The following NSD2 variants were observed in gnomAD, a reference collection of about 807,000 sequenced individuals.
NSD2 encodes the protein nuclear receptor binding SET domain protein 2.
In NSD2, 12 loss-of-function variants were observed where a neutral mutation model predicts 139.0. The observed-to-expected ratio is 0.09, with a 90% confidence interval of 0.06 to 0.14. The LOEUF is 0.14. Among genes scored for constraint, NSD2 ranks in the 10% least tolerant of loss-of-function variants. The probability of loss-of-function intolerance (pLI) is 1.00; values close to 1 mark genes in which losing one functional copy is unlikely to be tolerated. For missense variants in NSD2, 1,155 were observed against 1,745.0 expected, an observed-to-expected ratio of 0.66 and a Z score of 6.02; for synonymous variants, 669 against 648.7, an observed-to-expected ratio of 1.03 and a Z score of -0.48.
intron 9 of NSD2, chr4:1,946,241 G>A (rs1009533474): frequency 1.5e-5 from 15 of 1,004,792 alleles, no homozygotes; most frequent in Non-Finnish European, 1.8e-5. Context: ...AAAATTTGGG[G>A]GGTCTTGCAT....
rs1037212951 is a variant in NSD2 at position 1,965,296 on chromosome 4, GAAAC to G, written c.3372+4153_3372+4156del. ...TGAAGAGATAGAAAACCTATAAAGA[GAAAC>G]AAACAAAAAAAGGAATTGTTGAGCC... On this transcript the variant is annotated intron_variant, in intron 18 of 21. Coordinates refer to ENST00000508803, the MANE Select transcript of NSD2 (RefSeq NM_001042424.3). 3.3e-5 allele frequency among the ~76,000 whole-genome samples: 5 copies of G among 152,080 alleles called. No individual in the cohort carries two copies. The East Asian group carries it at 7.7e-4, about 23-fold the overall frequency.
intron 7 of NSD2, among the ~76,000 whole-genome samples, chr4:1,937,793 T>G (rs1722580199): frequency 6.6e-6 from 1 of 152,198 alleles, no homozygotes. Flanking sequence ...GCTGCTCTAG[T>G]GCTATGGGGA....
At chr4:1,893,544 T>G (rs989273333) in intron 1 of NSD2, among the ~76,000 whole-genome samples, 2 of 124,036 alleles carry the variant, frequency 1.6e-5, no homozygotes, top group African/African-American at 6.0e-5. Context: ...TTGTTTTTTG[T>G]TTTTTTTTTT....
intron 1 of NSD2, among the ~76,000 whole-genome samples, chr4:1,883,215 C>T (rs576634486): frequency 6.6e-6 from 1 of 152,228 alleles, no homozygotes; most frequent in East Asian, 1.9e-4. Flanking sequence ...CATTACCTTC[C>T]ATTTCAGGTT....
At chr4:1,872,069 T>C (rs2108872651) in intron 1 of NSD2, among the ~76,000 whole-genome samples, 1 of 150,290 alleles carries the variant, frequency 6.7e-6, no homozygotes, top group East Asian at 2.0e-4. Context: ...GGGCCAGGGG[T>C]CGGGCCGAGG....
intron 1 of NSD2, chr4:1,899,195 T>C (rs1716829587): frequency 6.6e-6 from 1 of 152,258 alleles, no homozygotes; most frequent in South Asian, 2.1e-4. Flanking sequence ...TTACATTTGC[T>C]CTTTTTTTCC....
chr4:1,872,915 A>T (rs1046965575), intron 1 of NSD2, among the ~76,000 whole-genome samples: 1 of 152,188 alleles, frequency 6.6e-6, no homozygotes, highest in Non-Finnish European at 1.5e-5. Flanking sequence ...TTTAAATGTG[A>T]TGAGAACAAC....
intron 5 of NSD2, among the ~76,000 whole-genome samples, chr4:1,930,047 G>C (rs1488935657): frequency 6.6e-6 from 1 of 152,212 alleles, no homozygotes; most frequent in African/African-American, 2.4e-5. Flanking sequence ...TGCTCCGGGT[G>C]CTGATGCTGG....
chr4:1,955,903 C>A lies in NSD2; in HGVS notation c.2675+54C>A. The stretch of plus-strand genomic sequence containing the variant: ...TGTCTTTTCTGTTCACATGTGTTCG[C>A]TTTACAGTACTTAAAGTATTGAAAT... On this transcript the variant is annotated intron_variant, in intron 14 of 21. Transcript: ENST00000508803. The surrounding 1 kb of genome is among the most constrained non-coding windows in gnomAD (Gnocchi z 4.7). 1 of 1,609,964 alleles carries A rather than the reference C, an allele frequency of 6.2e-7. No individual in the cohort carries two copies. The highest frequency in any genetic ancestry group is 1.1e-5 in the South Asian group (1 of 90,844).
Position 1,956,796 on chromosome 4 carries a change from A to G in NSD2, c.2881+608A>G, listed in dbSNP as rs1724850773. Among the ~76,000 whole-genome samples, 1 of 152,224 alleles carries G rather than the reference A, an allele frequency of 6.6e-6. No homozygotes were observed. The highest frequency in any genetic ancestry group is 2.4e-5 in the African/African-American group (1 of 41,464). ...CGAGGTGTGTGCATGTGGCTCGTTC[A>G]GGGAGAAGCACACGCTGTGTTGCAG... On this transcript the variant is annotated intron_variant, in intron 15 of 21. Transcript: ENST00000508803. The surrounding 1 kb of genome is among the most constrained non-coding windows in gnomAD (Gnocchi z 5.3).
Position 1,980,155 on chromosome 4 carries a change from T to C in NSD2, c.*1246T>C, listed in dbSNP as rs1444728260. 1 of 233,254 alleles carries C rather than the reference T, an allele frequency of 4.3e-6. No homozygotes were observed. Among genetic ancestry groups the C allele is most frequent in the Non-Finnish European group, 8.5e-6 (1 of 118,072 alleles). 14.4% of individuals were successfully genotyped at this position (233,254 alleles called of 1,614,324 possible). A position where few individuals can be genotyped will look rare whatever the true frequency, so the allele number is the denominator to read the frequency against. Reference sequence around the variant, plus strand: ...CTCGTACGTGTGTTATGGGCACTGGTCTAGGCCAGGTATGACACCCACTCT... The same window carrying C: ...CTCGTACGTGTGTTATGGGCACTGGCCTAGGCCAGGTATGACACCCACTCT... On this transcript the variant is annotated 3_prime_UTR_variant, in exon 22 of 22. Coordinates refer to ENST00000508803, the MANE Select transcript of NSD2 (RefSeq NM_001042424.3).
intron 3 of NSD2, among the ~76,000 whole-genome samples, chr4:1,911,202 G>A (rs1200694923): frequency 6.6e-6 from 1 of 152,192 alleles, no homozygotes; most frequent in East Asian, 1.9e-4. Flanking sequence ...AGGACTGTTA[G>A]TAGAAGCCAG....
At chr4:1,901,846 C>T (rs564468265) in intron 2 of NSD2, among the ~76,000 whole-genome samples, 5 of 152,360 alleles carry the variant, frequency 3.3e-5, no homozygotes, top group Non-Finnish European at 5.9e-5. Context: ...GTTCCCAGTG[C>T]AGAGCCCAGC....
At chr4:1,895,807 C>T (rs1310707049) in intron 1 of NSD2, among the ~76,000 whole-genome samples, 3 of 152,166 alleles carry the variant, frequency 2.0e-5, no homozygotes, top group East Asian at 1.9e-4. Flanking sequence ...CGGATTTAGC[C>T]TTCTTAGGCG....
rs1577559686 is a variant in NSD2, at chr4:1,964,901, T to G, written c.3372+3750T>G. Among the ~76,000 whole-genome samples the G allele has an allele frequency of 2.0e-5, 3 of 152,126 alleles. No homozygotes were observed. In the East Asian group the frequency reaches 5.8e-4, roughly 29 times the overall value. On this transcript the variant is annotated intron_variant, in intron 18 of 21. Transcript: ENST00000508803. ...CTGGAAAGACCTTAAATTTCCATCTTGGGTTGATCCTCTGCACAGAAACAG... is the reference window on the plus strand; with the variant it reads ...CTGGAAAGACCTTAAATTTCCATCTGGGGTTGATCCTCTGCACAGAAACAG...
At position 1,951,443 on chromosome 4, in the gene NSD2, TACACACACACACACACACACACACAC is replaced by T. The variant is rs71167763; in HGVS notation, c.2013+296_2013+321del. Among the ~76,000 whole-genome samples, 17 of 101,078 alleles carry T rather than the reference TACACACACACACACACACACACACAC, an allele frequency of 1.7e-4. 1 individual carries two copies. Among genetic ancestry groups the T allele is most frequent in the South Asian group, 7.1e-4 (2 of 2,822 alleles). The allele number at this position is 101,078 out of a possible 152,430, so 66.3% of individuals were successfully genotyped here. ...TGAGATTTGTATACACATCATGTAA[TACACACACACACACACACACACACAC>T]ACACACACACACACACACACACACA... On this transcript the variant is annotated intron_variant, in intron 10 of 21. Coordinates refer to ENST00000508803, the MANE Select transcript of NSD2 (RefSeq NM_001042424.3).
rs916632452 is a variant in NSD2, at chr4:1,976,142, G to A, written c.3622-333G>A. Among the ~76,000 whole-genome samples, 10 of 152,184 alleles carry A rather than the reference G, an allele frequency of 6.6e-5. No individual in the cohort carries two copies. The highest frequency in any genetic ancestry group is 2.2e-4 in the African/African-American group (9 of 41,452). ...AATGAGGAGACCCTGGGTGGCGGGC[G>A]GGAGCTGTTCTGCCTGTGGTGGCCT... On this transcript the variant is annotated intron_variant, in intron 20 of 21. Coordinates refer to ENST00000508803, the MANE Select transcript of NSD2 (RefSeq NM_001042424.3). This position sits in a 1 kb window ranked among gnomAD's most constrained non-coding sequence, Gnocchi z 5.3.
chr4:1,949,192 G>A (rs1427656406), intron 9 of NSD2, among the ~76,000 whole-genome samples: 1 of 152,220 alleles, frequency 6.6e-6, no homozygotes, highest in Non-Finnish European at 1.5e-5. Flanking sequence ...CACGTCAAGT[G>A]GCCCTTTGTG....
intron 5 of NSD2, among the ~76,000 whole-genome samples, chr4:1,921,149 C>T (rs1720063319): frequency 1.3e-5 from 2 of 152,164 alleles, no homozygotes; most frequent in South Asian, 4.1e-4. Flanking sequence ...GGATATTACA[C>T]ATGAAACTTT....
Sources: gnomAD v4.1 joint callset for allele counts (sites outside exome capture counted in the v4.1 genomes callset) on GRCh38, gnomAD v4.1.1 for gene constraint, Gnocchi (gnomAD v3.1) non-coding constraint, MANE v1.5 for transcripts, NCBI Gene and HGNC (gene_info 2026-07-23, HGNC 2026-07-21) for gene names.